GFPT2: variants seen among roughly 807,000 people sequenced by gnomAD.
The protein encoded by GFPT2 is glutamine--fructose-6-phosphate aminotransferase [isomerizing] 2.
In GFPT2, 62 loss-of-function variants were observed where a neutral mutation model predicts 85.6. That is an observed-to-expected ratio of 0.72 (90% CI 0.59 to 0.90). The LOEUF is 0.90. Ranked by LOEUF, GFPT2 falls within the 40% of genes least tolerant of loss-of-function variation. The pLI is 0.00. For synonymous variants in GFPT2, 368 were observed against 344.5 expected, an observed-to-expected ratio of 1.07 and a Z score of -0.75; for missense variants, 788 against 893.4, an observed-to-expected ratio of 0.88 and a Z score of 1.50.
rs200652093 is a variant in GFPT2 at position 180,335,895 on chromosome 5, C to T, written c.273G>A (p.Thr91=). 7.1e-5 allele frequency: 112 copies of T among 1,581,158 alleles called. No homozygotes were observed. The highest frequency in any genetic ancestry group is 3.7e-4 in the African/African-American group (27 of 72,558). ...EFETHFGIAH[T]RWATHGVPSA... is the part of the protein sequence containing the mutation. ...TGGGGACCCCGTGGGTGGCCCAGCGCGTGTGGGCAATGCCGAAGTGTGTCT... is the reference window on the plus strand; with the variant it reads ...TGGGGACCCCGTGGGTGGCCCAGCGTGTGTGGGCAATGCCGAAGTGTGTCT... The change falls in exon 4 of 19, where the codon ACG becomes ACA. Residue 91 remains threonine (T), a synonymous_variant. Coordinates refer to ENST00000253778, the MANE Select transcript of GFPT2 (RefSeq NM_005110.4).
In GFPT2 at chr5:180,323,250, C is replaced by G. The variant is rs1013755542; in HGVS notation, c.794+938G>C. The stretch of plus-strand genomic sequence containing the variant: ...GGTATTCTCGGCGTGTTCTAAGGGG[C>G]ACCATTTGGGAAGCGCTGCCTTGAC... On this transcript the variant is annotated intron_variant, in intron 9 of 18. Coordinates refer to ENST00000253778, the MANE Select transcript of GFPT2 (RefSeq NM_005110.4). The surrounding 1 kb of genome is among the most constrained non-coding windows in gnomAD (Gnocchi z 4.0). Among the ~76,000 whole-genome samples, 1 of 152,104 alleles carries G rather than the reference C, an allele frequency of 6.6e-6. No individual in the cohort carries two copies. The highest frequency in any genetic ancestry group is 1.5e-5 in the Non-Finnish European group (1 of 68,032).
In GFPT2 at chr5:180,302,602, C is replaced by T. The variant is rs780860675; in HGVS notation, c.1843-18G>A. 4 of 1,599,076 alleles carry T rather than the reference C, an allele frequency of 2.5e-6. No individual in the cohort carries two copies. The highest frequency in any genetic ancestry group is 3.4e-6 in the Non-Finnish European group (4 of 1,168,520). On this transcript the variant is annotated intron_variant, in intron 17 of 18. Coordinates refer to ENST00000253778, the MANE Select transcript of GFPT2 (RefSeq NM_005110.4). ...GGGCGACCCTAGAGCAGAGAAATAGCATCATAAAATAGACCCTCTCTGAAA... is the reference window on the plus strand; with the variant it reads ...GGGCGACCCTAGAGCAGAGAAATAGTATCATAAAATAGACCCTCTCTGAAA...
intron 4 of GFPT2, among the ~76,000 whole-genome samples, chr5:180,333,424 T>C (rs553483498): frequency 2.2e-4 from 34 of 151,960 alleles, no homozygotes; most frequent in Non-Finnish European, 4.4e-4. Context: ...TTAGTAGAGA[T>C]GGGGTTTCAC....
chr5:180,317,499 C>G lies in GFPT2; in HGVS notation c.959-441G>C, dbSNP rs187618382. Among the ~76,000 whole-genome samples the G allele has an allele frequency of 4.0e-5, 6 of 151,782 alleles. No individual in the cohort carries two copies. In the East Asian group the frequency reaches 1.2e-3, roughly 29 times the overall value. On this transcript the variant is annotated intron_variant, in intron 10 of 18. Transcript: ENST00000253778. ...TCCAGGCCGGGCGCAGTGGCTCACGCCTGTAATCCCAGCACTTTGGGAGGC... is the reference window on the plus strand; with the variant it reads ...TCCAGGCCGGGCGCAGTGGCTCACGGCTGTAATCCCAGCACTTTGGGAGGC...
intron 1 of GFPT2, among the ~76,000 whole-genome samples, chr5:180,338,806 T>C (rs1176611678): frequency 1.3e-5 from 2 of 152,210 alleles, no homozygotes; most frequent in South Asian, 4.1e-4. Context: ...CTGTGTCACA[T>C]GTCTTGGGCT....
intron 16 of GFPT2, among the ~76,000 whole-genome samples, chr5:180,306,893 C>T (rs1763791641): frequency 1.3e-5 from 2 of 152,236 alleles, no homozygotes; most frequent in Non-Finnish European, 2.9e-5. Flanking sequence ...TGGACCCTGG[C>T]AGTGCCTGGA....
chr5:180,317,182 C>A, intron 10 of GFPT2, 124 bp from the exon 11 acceptor site: 1 of 721,016 alleles, frequency 1.4e-6, no homozygotes. Context: ...CAGGGATTAC[C>A]CTGCCTGACA....
At chr5:180,334,832 C>G (rs1162162347) in intron 4 of GFPT2, among the ~76,000 whole-genome samples, 2 of 152,202 alleles carry the variant, frequency 1.3e-5, no homozygotes, top group African/African-American at 2.4e-5. Context: ...GGATTAGATC[C>G]TCTCTTCTGC....
chr5:180,312,366 C>A (rs1256449184), intron 15 of GFPT2, 64 bp downstream of exon 15: 10 of 869,988 alleles, frequency 1.1e-5, no homozygotes, highest in Non-Finnish European at 2.0e-5. Context: ...TGAGAGTCAA[C>A]AGAGAATGGC....
chr5:180,316,413 G>C lies in GFPT2; in HGVS notation c.1201C>G (p.Leu401Val). ...ELTELPVMVE[L>V]ASDFLDRNTP... ...TTCCTGTCCAGAAAATCACTAGCAA[G>C]TTCAACCATCACAGGAAGCTCAGTC... Residue 401 changes from leucine to valine, a missense_variant, in exon 13 of 19, where the codon CTT becomes GTT. Leu to Val is a conservative substitution (Grantham distance 32). Coordinates refer to ENST00000253778, the MANE Select transcript of GFPT2 (RefSeq NM_005110.4). 1 of 1,613,956 alleles carries C rather than the reference G, an allele frequency of 6.2e-7. No homozygotes were observed. Among genetic ancestry groups the C allele is most frequent in the Non-Finnish European group, 8.5e-7 (1 of 1,179,812 alleles).
chr5:180,350,303 C>T (rs926345157), intron 1 of GFPT2, among the ~76,000 whole-genome samples: 2 of 152,230 alleles, frequency 1.3e-5, no homozygotes, highest in African/African-American at 2.4e-5. Context: ...CCAAAACTCC[C>T]ACCTACTTAT....
chr5:180,321,172 T>C (rs967621832), intron 9 of GFPT2, among the ~76,000 whole-genome samples: 2 of 151,636 alleles, frequency 1.3e-5, no homozygotes, highest in Non-Finnish European at 1.5e-5. Flanking sequence ...CAAAATTTTG[T>C]ATAGAAATAT....
intron 1 of GFPT2, among the ~76,000 whole-genome samples, chr5:180,344,322 T>G (rs1764569839): frequency 6.6e-6 from 1 of 152,210 alleles, no homozygotes; most frequent in Admixed American, 6.5e-5. Flanking sequence ...AAACTTCCTT[T>G]CCACTGCACG....
At chr5:180,313,623 T>TA (rs200991981) in intron 14 of GFPT2, among the ~76,000 whole-genome samples, 184 bp downstream of exon 14, 2,107 of 147,126 alleles carry the variant, frequency 0.014, 58 homozygotes, top group African/African-American at 0.05. Context: ...AAAATAAAAA[T>TA]AAAAAAAATG....
Position 180,318,787 on chromosome 5 carries a change from A to G in GFPT2, c.958+6T>C. On this transcript the variant is annotated splice_donor_region_variant and intron_variant, in intron 10 of 18. Coordinates refer to ENST00000253778, the MANE Select transcript of GFPT2 (RefSeq NM_005110.4). This position sits in a 1 kb window ranked among gnomAD's most constrained non-coding sequence, Gnocchi z 4.2. The stretch of plus-strand genomic sequence containing the variant: ...CTGCCGCACGTGGACTCTGGAGGAC[A>G]CCTGCCTTTCATGATTTGCTGCAGT... 6.2e-7 allele frequency: 1 copy of G among 1,613,228 alleles called. No homozygotes were observed. Among genetic ancestry groups the G allele is most frequent in the Non-Finnish European group, 8.5e-7 (1 of 1,179,496 alleles).
At chr5:180,316,730 C>A (rs6893693) in intron 12 of GFPT2, 34 bp downstream of exon 12, 2 of 1,458,498 alleles carry the variant, frequency 1.4e-6, no homozygotes, top group East Asian at 2.3e-5. Context: ...CCTAGACTGC[C>A]GTCGACTTCC....
At chr5:180,311,088 ACC>A (rs1763872160) in intron 15 of GFPT2, among the ~76,000 whole-genome samples, 3 of 152,120 alleles carry the variant, frequency 2.0e-5, no homozygotes, top group Non-Finnish European at 4.4e-5. Context: ...CCTGGAATTG[ACC>A]ATTCTCTATG....
At chr5:180,337,401 T>C (rs1027099622) in intron 2 of GFPT2, among the ~76,000 whole-genome samples, 12 of 142,982 alleles carry the variant, frequency 8.4e-5, no homozygotes, top group African/African-American at 1.6e-4. Flanking sequence ...TGCAGTGAGC[T>C]GAGATCGCGC....
At chr5:180,312,083 CA>C in intron 15 of GFPT2, among the ~76,000 whole-genome samples, 1 of 46,736 alleles carries the variant, frequency 2.1e-5, no homozygotes, top group Non-Finnish European at 4.5e-5. Flanking sequence ...GGCTGAGGAC[CA>C]GGGAGGCAGG....
Sources: allele counts gnomAD v4.1 joint callset (sites outside exome capture counted in the v4.1 genomes callset), GRCh38; gene constraint gnomAD v4.1.1; non-coding constraint Gnocchi (gnomAD v3.1); transcripts MANE v1.5; gene names NCBI Gene and HGNC (gene_info 2026-07-23, HGNC 2026-07-21).